The following TUSC3 variants were observed in gnomAD, a reference collection of about 807,000 sequenced individuals.
TUSC3 encodes tumor suppressor candidate 3.
In TUSC3, 45 loss-of-function variants were observed where a neutral mutation model predicts 44.8. The ratio of observed to expected loss-of-function variants is 1.00; its 90% confidence interval spans 0.79 to 1.29. The LOEUF (loss-of-function observed/expected upper bound fraction) is 1.29. Among genes scored for constraint, TUSC3 ranks in the 50% most tolerant of loss-of-function variants. The probability of loss-of-function intolerance (pLI) is 0.00; values close to 1 mark genes in which losing one functional copy is unlikely to be tolerated. For missense variants in TUSC3, 519 were observed against 437.9 expected (o/e 1.19, Z -1.65); for synonymous variants, 212 against 152.9 (o/e 1.39, Z -2.85).
At chr8:15,518,724 G>T (rs1004606622) in intron 2 of TUSC3, among the ~76,000 whole-genome samples, 3 of 152,044 alleles carry the variant, frequency 2.0e-5, no homozygotes, top group African/African-American at 7.2e-5. Flanking sequence ...TGTCATTAAT[G>T]GTTTATGTAG....
chr8:15,606,196 C>G (rs1804518035), intron 1 of TUSC3, among the ~76,000 whole-genome samples: 1 of 151,920 alleles, frequency 6.6e-6, no homozygotes. Flanking sequence ...TGTGGTTGCT[C>G]CCATTTTAAA....
intron 2 of TUSC3, among the ~76,000 whole-genome samples, chr8:15,487,741 A>G (rs1311434748): frequency 2.0e-5 from 3 of 152,142 alleles, no homozygotes; most frequent in Middle Eastern, 3.2e-3. Context: ...GAAACATCCA[A>G]TTAGCCTATT....
chr8:15,704,580 A>G (rs1809539405), intron 6 of TUSC3, among the ~76,000 whole-genome samples: 1 of 152,138 alleles, frequency 6.6e-6, no homozygotes. Context: ...ACAACTACTA[A>G]ACTAGACTGT....
At chr8:15,541,121 T>G (rs996997649) in intron 1 of TUSC3, among the ~76,000 whole-genome samples, 1 of 152,240 alleles carries the variant, frequency 6.6e-6, no homozygotes, top group Non-Finnish European at 1.5e-5. Flanking sequence ...AGAGTGTGTT[T>G]TAAGTTATCC....
intron 1 of TUSC3, among the ~76,000 whole-genome samples, chr8:15,464,724 A>G (rs547884945): frequency 6.6e-6 from 1 of 152,340 alleles, no homozygotes; most frequent in Admixed American, 6.5e-5. Flanking sequence ...CTGTAAAGCA[A>G]ATTGATGTAT....
chr8:15,728,045 C>G (rs1430273108), intron 6 of TUSC3, among the ~76,000 whole-genome samples: 1 of 152,096 alleles, frequency 6.6e-6, no homozygotes, highest in African/African-American at 2.4e-5. Context: ...AAATAAGTCT[C>G]TAAGGACAAA....
intron 1 of TUSC3, among the ~76,000 whole-genome samples, chr8:15,599,621 A>G (rs895918324): frequency 6.7e-6 from 1 of 150,170 alleles, no homozygotes; most frequent in African/African-American, 2.4e-5. Context: ...TAAAGTCTAG[A>G]TTCATTTTTT....
intron 6 of TUSC3, among the ~76,000 whole-genome samples, chr8:15,679,726 G>T (rs904878393): frequency 1.3e-5 from 2 of 151,986 alleles, no homozygotes; most frequent in East Asian, 1.9e-4. Context: ...TATAGTTTTA[G>T]GTATTTTTAA....
At chr8:15,546,913 A>T (rs1459495209) in intron 1 of TUSC3, among the ~76,000 whole-genome samples, 1 of 151,484 alleles carries the variant, frequency 6.6e-6, no homozygotes, top group Non-Finnish European at 1.5e-5. Context: ...GCCTGTCTCT[A>T]TTTCTTTTTA....
intron 1 of TUSC3, among the ~76,000 whole-genome samples, chr8:15,417,479 A>T (rs113021791): frequency 5.6e-4 from 85 of 152,330 alleles, no homozygotes; most frequent in African/African-American, 1.9e-3. Context: ...GTGTCAAGAG[A>T]GGAGGCTGGA....
intron 8 of TUSC3, among the ~76,000 whole-genome samples, chr8:15,745,803 C>T (rs1811390274): frequency 6.6e-6 from 1 of 151,784 alleles, no homozygotes; most frequent in Admixed American, 6.6e-5. Flanking sequence ...GTCCCACTTG[C>T]CAGTTTTTAT....
intron 9 of TUSC3, among the ~76,000 whole-genome samples, chr8:15,751,601 C>G (rs189809420): frequency 1.2e-3 from 186 of 152,280 alleles, no homozygotes; most frequent in African/African-American, 4.4e-3. Context: ...CTTTGGACTC[C>G]TTGGAGGTGT....
chr8:15,746,974 A>G (rs544185416), intron 8 of TUSC3, among the ~76,000 whole-genome samples: 5 of 152,088 alleles, frequency 3.3e-5, no homozygotes, highest in East Asian at 3.9e-4. Flanking sequence ...TTTTCTCCCA[A>G]TATTCATTTG....
chr8:15,624,365 T>C (rs935329809), intron 2 of TUSC3, among the ~76,000 whole-genome samples: 3 of 152,218 alleles, frequency 2.0e-5, no homozygotes, highest in Admixed American at 6.5e-5. Flanking sequence ...TGTGGTAGTT[T>C]CTATTTAGTT....
At chr8:15,762,990 A>C (rs1183178511) in intron 10 of TUSC3, among the ~76,000 whole-genome samples, 1 of 152,030 alleles carries the variant, frequency 6.6e-6, no homozygotes, top group Non-Finnish European at 1.5e-5. Context: ...TTGCATCCTG[A>C]TATCACCACA....
chr8:15,731,491 C>T (rs768274159), intron 7 of TUSC3, among the ~76,000 whole-genome samples: 4 of 152,038 alleles, frequency 2.6e-5, no homozygotes, highest in Non-Finnish European at 5.9e-5. Context: ...CTGTATATAA[C>T]CAAAGGTGTA....
At chr8:15,459,446 A>C (rs1800310279) in intron 1 of TUSC3, among the ~76,000 whole-genome samples, 1 of 152,108 alleles carries the variant, frequency 6.6e-6, no homozygotes. Flanking sequence ...AAAATAAAGC[A>C]AGAATCCTGC....
intron 1 of TUSC3, among the ~76,000 whole-genome samples, chr8:15,439,153 C>T (rs114140894): frequency 6.6e-6 from 1 of 152,162 alleles, no homozygotes; most frequent in African/African-American, 2.4e-5. Flanking sequence ...TCACCCATTT[C>T]CCTCTGACCT....
intron 1 of TUSC3, among the ~76,000 whole-genome samples, chr8:15,448,287 T>G (rs142973114): frequency 1.3e-5 from 2 of 151,340 alleles, no homozygotes; most frequent in African/African-American, 4.9e-5. Flanking sequence ...CCCTGCTATT[T>G]TTTGTATTTT....
Sources: gnomAD v4.1 joint callset for allele counts (sites outside exome capture counted in the v4.1 genomes callset) on GRCh38, gnomAD v4.1.1 for gene constraint, MANE v1.5 for transcripts, NCBI Gene and HGNC (gene_info 2026-07-23, HGNC 2026-07-21) for gene names.